The following TBC1D5 variants were observed in gnomAD, a reference collection of about 807,000 sequenced individuals.
TBC1D5 encodes the protein TBC1 domain family, member 5.
Under a neutral mutation model 100.3 loss-of-function variants are expected in TBC1D5, and 75 were observed. That is an observed-to-expected ratio of 0.75 (90% CI 0.62 to 0.91). TBC1D5 has a LOEUF of 0.91. Ranked by LOEUF, TBC1D5 falls within the 40% of genes least tolerant of loss-of-function variation. TBC1D5 has a pLI of 0.00. For missense variants in TBC1D5, 910 were observed against 942.4 expected (o/e 0.97, Z 0.45); for synonymous variants, 323 against 325.6 (o/e 0.99, Z 0.09).
chr3:17,532,150 A>C (rs2096235364), intron 2 of TBC1D5, among the ~76,000 whole-genome samples: 1 of 152,206 alleles, frequency 6.6e-6, no homozygotes, highest in Non-Finnish European at 1.5e-5. Context: ...AAAAAAACAA[A>C]CAACCCCATC....
chr3:17,531,650 G>A (rs966577033), intron 2 of TBC1D5, among the ~76,000 whole-genome samples: 10 of 152,098 alleles, frequency 6.6e-5, no homozygotes, highest in Non-Finnish European at 4.4e-5. Context: ...CAGACCAATG[G>A]AACAAAACAG....
At chr3:17,237,373 T>C (rs1438632595) in intron 17 of TBC1D5, among the ~76,000 whole-genome samples, 1 of 152,208 alleles carries the variant, frequency 6.6e-6, no homozygotes, top group African/African-American at 2.4e-5. Context: ...CCTAATACAT[T>C]ATGACTCTTC....
intron 13 of TBC1D5, among the ~76,000 whole-genome samples, chr3:17,326,069 T>C (rs895956563): frequency 6.6e-6 from 1 of 152,148 alleles, no homozygotes; most frequent in Non-Finnish European, 1.5e-5. Flanking sequence ...ACTAAGAACG[T>C]AGTATGTAAG....
chr3:17,722,776 T>C (rs4337657), intron 1 of TBC1D5, among the ~76,000 whole-genome samples: 152,284 of 152,366 alleles, frequency 1, 76,101 homozygotes, highest in East Asian at 1. Flanking sequence ...GAGCCAGATT[T>C]TAATCCAGAT....
chr3:17,380,045 A>ATGTGTGTGTGTG (rs3041142), intron 9 of TBC1D5, among the ~76,000 whole-genome samples: 3,360 of 112,230 alleles, frequency 0.03, 72 homozygotes, highest in East Asian at 0.066. Flanking sequence ...GTGACTGTGT[A>ATGTGTGTGTGTG]TGTGTGTGTG....
At chr3:17,421,299 A>G (rs766077789) in intron 4 of TBC1D5, among the ~76,000 whole-genome samples, 4 of 152,214 alleles carry the variant, frequency 2.6e-5, no homozygotes, top group African/African-American at 4.8e-5. Flanking sequence ...AAAAAACAAA[A>G]AGGCTATACA....
chr3:17,536,875 G>T, intron 2 of TBC1D5, among the ~76,000 whole-genome samples: 1 of 152,166 alleles, frequency 6.6e-6, no homozygotes, highest in Non-Finnish European at 1.5e-5. Context: ...AAATGTTTGA[G>T]TTAAGATAAG....
At chr3:17,663,322 C>A (rs2066858874) in intron 1 of TBC1D5, among the ~76,000 whole-genome samples, 1 of 150,814 alleles carries the variant, frequency 6.6e-6, no homozygotes, top group Non-Finnish European at 1.5e-5. Flanking sequence ...AATTCCTCAA[C>A]TCACTAGTTT....
intron 19 of TBC1D5, among the ~76,000 whole-genome samples, chr3:17,168,276 G>A (rs1231711085): frequency 6.6e-6 from 1 of 152,126 alleles, no homozygotes; most frequent in Non-Finnish European, 1.5e-5. Flanking sequence ...TGTCTTTAAG[G>A]ATTCATAACA....
intron 15 of TBC1D5, among the ~76,000 whole-genome samples, chr3:17,281,386 T>C (rs1291502552): frequency 2.6e-5 from 4 of 152,176 alleles, no homozygotes; most frequent in Non-Finnish European, 5.9e-5. Flanking sequence ...TGGAAAAATG[T>C]GTAACTATCA....
At chr3:17,447,271 T>G (rs73161472) in intron 3 of TBC1D5, among the ~76,000 whole-genome samples, 2 of 152,146 alleles carry the variant, frequency 1.3e-5, no homozygotes, top group Non-Finnish European at 2.9e-5. Flanking sequence ...CTGCTGTAGC[T>G]GAAAGAAGTG....
intron 18 of TBC1D5, among the ~76,000 whole-genome samples, chr3:17,206,360 T>C (rs2072183715): frequency 6.6e-6 from 1 of 152,186 alleles, no homozygotes; most frequent in African/African-American, 2.4e-5. Context: ...AGCATCTTCA[T>C]TAGGATTGCT....
chr3:17,232,729 C>T (rs2075524569), intron 17 of TBC1D5, among the ~76,000 whole-genome samples: 1 of 152,110 alleles, frequency 6.6e-6, no homozygotes, highest in South Asian at 2.1e-4. Context: ...TAACCCAATA[C>T]ATCAATCTCT....
chr3:17,515,148 G>A (rs986142923), intron 2 of TBC1D5, among the ~76,000 whole-genome samples: 3 of 151,976 alleles, frequency 2.0e-5, no homozygotes, highest in African/African-American at 7.2e-5. Flanking sequence ...AGGAACAAAT[G>A]GCTACTCTTC....
At chr3:17,701,417 T>C (rs756350308) in intron 1 of TBC1D5, among the ~76,000 whole-genome samples, 1 of 152,044 alleles carries the variant, frequency 6.6e-6, no homozygotes, top group Non-Finnish European at 1.5e-5. Context: ...ATAGCACATG[T>C]TTACCTATGT....
intron 3 of TBC1D5, among the ~76,000 whole-genome samples, chr3:17,504,587 C>T (rs755408382): frequency 6.6e-6 from 1 of 152,076 alleles, no homozygotes; most frequent in Non-Finnish European, 1.5e-5. Context: ...ACCAGACAGA[C>T]AAGAAGACAG....
chr3:17,471,951 A>G (rs1256386676), intron 3 of TBC1D5, among the ~76,000 whole-genome samples: 1 of 152,144 alleles, frequency 6.6e-6, no homozygotes, highest in Non-Finnish European at 1.5e-5. Context: ...ACATGACGAA[A>G]TCTACCCTTT....
intron 3 of TBC1D5, among the ~76,000 whole-genome samples, chr3:17,486,732 C>A (rs779120014): frequency 1.4e-4 from 21 of 152,118 alleles, no homozygotes; most frequent in Non-Finnish European, 2.8e-4. Context: ...AGTAGCCCAC[C>A]TAGCATCTTC....
chr3:17,713,459 G>A (rs2074949198), intron 1 of TBC1D5, among the ~76,000 whole-genome samples: 1 of 151,890 alleles, frequency 6.6e-6, no homozygotes, highest in South Asian at 2.1e-4. Context: ...AACCAGGATG[G>A]TCTCAAAGTC....
Sources: gnomAD v4.1 joint callset for allele counts (sites outside exome capture counted in the v4.1 genomes callset) on GRCh38, gnomAD v4.1.1 for gene constraint, MANE v1.5 for transcripts, NCBI Gene and HGNC (gene_info 2026-07-23, HGNC 2026-07-21) for gene names.